The following LAMA4 variants were observed in gnomAD, a reference collection of about 807,000 sequenced individuals.
LAMA4 encodes the protein laminin subunit alpha 4.
LAMA4 carries 127 observed loss-of-function variants against 207.1 expected under a neutral mutation model. The observed-to-expected ratio is 0.61, with a 90% CI of 0.53 to 0.71. LAMA4 has a LOEUF of 0.71. LAMA4 is among the 30% of genes least tolerant of loss of function. The pLI is 0.00. For synonymous variants in LAMA4, 761 were observed against 816.0 expected, an observed-to-expected ratio of 0.93 and a Z score of 1.15; for missense variants, 2,093 against 2,246.5, an observed-to-expected ratio of 0.93 and a Z score of 1.38.
At chr6:112,114,524 T>C in intron 37 of LAMA4, 139 bp downstream of exon 37, 1 of 723,308 alleles carries the variant, frequency 1.4e-6, no homozygotes, top group East Asian at 2.7e-5. Flanking sequence ...CACATAATAG[T>C]ATAATAACAT....
At position 112,201,743 on chromosome 6, in the gene LAMA4, T is replaced by C. The variant is rs1554352557; in HGVS notation, c.423-55A>G. ...ATTCCATACATCACCAAAGAGACTG[T>C]CTTAACTTTTTATCAGATTACCTCT... On this transcript the variant is annotated intron_variant, in intron 4 of 38. Transcript: ENST00000230538. 10 of 1,432,862 alleles carry C rather than the reference T, an allele frequency of 7.0e-6. No individual in the cohort carries two copies. In the South Asian group the frequency reaches 9.2e-5, roughly 13 times the overall value. 88.8% of individuals were successfully genotyped at this position (1,432,862 alleles called of 1,614,324 possible). A position where few individuals can be genotyped will look rare whatever the true frequency, so the allele number is the denominator to read the frequency against.
At chr6:112,147,343 T>C (rs1434056079) in intron 18 of LAMA4, among the ~76,000 whole-genome samples, 4 of 152,220 alleles carry the variant, frequency 2.6e-5, no homozygotes, top group Admixed American at 6.5e-5. Flanking sequence ...TTTACTGTTA[T>C]GGGAATGGGT....
chr6:112,187,316 G>A lies in LAMA4; in HGVS notation c.966+134C>T, dbSNP rs112939618. On this transcript the variant is annotated intron_variant, in intron 8 of 38. Transcript: ENST00000230538. ...CTATGAAATTACTTATGTTTTCTAT[G>A]TTAGACCTACAGGTCTAACAACCTG... 1.3e-5 allele frequency: 13 copies of A among 1,005,718 alleles called. No homozygotes were observed. The African/African-American group carries it at 1.7e-4, about 13-fold the overall frequency. The allele number at this position is 1,005,718 out of a possible 1,614,324, so 62.3% of individuals were successfully genotyped here. A position where few individuals can be genotyped will look rare whatever the true frequency, so the allele number is the denominator to read the frequency against.
chr6:112,145,036 G>T, intron 18 of LAMA4, 103 bp from the exon 19 acceptor site: 1 of 1,130,990 alleles, frequency 8.8e-7, no homozygotes. Context: ...AGAACTAAGA[G>T]AAATGATTTT....
Position 112,114,711 on chromosome 6 carries a change from C to T in LAMA4, c.5158G>A (p.Val1720Ile), listed in dbSNP as rs782384533. 1.2e-6 allele frequency: 2 copies of T among 1,613,104 alleles called. No individual in the cohort carries two copies. Among genetic ancestry groups the T allele is most frequent in the Admixed American group, 1.7e-5 (1 of 59,952 alleles). ...NNGIRDFSTSVTPKQSLCDGR... is the reference protein window; with the variant it reads ...NNGIRDFSTSITPKQSLCDGR... The stretch of plus-strand genomic sequence containing the variant: ...TCACAGAGACTCTGCTTGGGTGTAA[C>T]TGAGGTGGAAAAATCTCTGATGCCA... The change falls in exon 37 of 39, where the codon GTT becomes ATT. Residue 1720 changes from valine (V) to isoleucine (I), a missense_variant. Val to Ile is a conservative substitution (Grantham distance 29). This residue lies in a region of LAMA4 where 383 missense variants were observed against 437.8 expected (regional missense o/e 0.87). Transcript: ENST00000230538.
intron 2 of LAMA4, among the ~76,000 whole-genome samples, chr6:112,222,500 C>T (rs1784978563): frequency 6.6e-6 from 1 of 152,154 alleles, no homozygotes. Flanking sequence ...TCAATTTAAC[C>T]ATCAATAAAA....
intron 2 of LAMA4, among the ~76,000 whole-genome samples, chr6:112,235,545 A>G (rs1332739524): frequency 6.6e-6 from 1 of 152,184 alleles, no homozygotes; most frequent in Non-Finnish European, 1.5e-5. Flanking sequence ...ATGATAGGGA[A>G]GTTTCTTAAG....
intron 13 of LAMA4, among the ~76,000 whole-genome samples, chr6:112,161,147 C>T (rs752987098): frequency 6.6e-5 from 10 of 152,184 alleles, no homozygotes; most frequent in African/African-American, 1.2e-4. Flanking sequence ...AAGCTCTACT[C>T]CTCCTTTCAA....
chr6:112,207,270 G>A, intron 3 of LAMA4, 125 bp from the exon 4 acceptor site: 1 of 1,030,402 alleles, frequency 9.7e-7, no homozygotes, highest in Non-Finnish European at 1.5e-6. Flanking sequence ...CAGACTGTAT[G>A]CGGCAGTACA....
chr6:112,192,372 A>C (rs1783171164), intron 5 of LAMA4, among the ~76,000 whole-genome samples: 1 of 152,124 alleles, frequency 6.6e-6, no homozygotes, highest in South Asian at 2.1e-4. Flanking sequence ...CTCTTGTTTG[A>C]GGGTCATGGG....
At chr6:112,166,941 T>G (rs1781416563) in intron 12 of LAMA4, among the ~76,000 whole-genome samples, 1 of 152,062 alleles carries the variant, frequency 6.6e-6, no homozygotes, top group African/African-American at 2.4e-5. Context: ...AAAACAGTCC[T>G]GGGAAGGTAA....
intron 2 of LAMA4, among the ~76,000 whole-genome samples, chr6:112,247,527 A>G (rs1348878209): frequency 6.6e-6 from 1 of 152,188 alleles, no homozygotes; most frequent in African/African-American, 2.4e-5. Context: ...ACAACAAAAC[A>G]AAACAAAACC....
chr6:112,231,633 C>T (rs1205388486), intron 2 of LAMA4, among the ~76,000 whole-genome samples: 3 of 152,120 alleles, frequency 2.0e-5, no homozygotes, highest in African/African-American at 4.8e-5. Context: ...TGACAATGGG[C>T]CCTGGAAAAG....
chr6:112,182,727 G>A (rs547560784), intron 9 of LAMA4, among the ~76,000 whole-genome samples: 2 of 152,324 alleles, frequency 1.3e-5, no homozygotes, highest in South Asian at 4.1e-4. Context: ...TCAAGATCCA[G>A]ATGGTGAGGG....
intron 11 of LAMA4, among the ~76,000 whole-genome samples, chr6:112,173,199 T>C (rs1781827623): frequency 6.6e-6 from 1 of 152,198 alleles, no homozygotes; most frequent in Non-Finnish European, 1.5e-5. Flanking sequence ...GGCAAAATGA[T>C]GTTCATACCC....
At chr6:112,212,942 G>T (rs905119520) in intron 3 of LAMA4, among the ~76,000 whole-genome samples, 8 of 152,154 alleles carry the variant, frequency 5.3e-5, no homozygotes, top group African/African-American at 1.9e-4. Flanking sequence ...GCTAGTGTCT[G>T]CAGAAACTGA....
At chr6:112,228,200 G>C (rs1424777316) in intron 2 of LAMA4, among the ~76,000 whole-genome samples, 2 of 152,202 alleles carry the variant, frequency 1.3e-5, no homozygotes, top group African/African-American at 2.4e-5. Flanking sequence ...GCCCTGTCCA[G>C]CTGGCCTGGA....
In LAMA4 at chr6:112,233,963, G is replaced by C. The variant is rs191366110; in HGVS notation, c.196-17494C>G. The stretch of plus-strand genomic sequence containing the variant: ...CGCCACCCTCTCTCCACACATTGTA[G>C]ATAATATTGGAGGCTTGCCCTAGTT... On this transcript the variant is annotated intron_variant, in intron 2 of 38. Transcript: ENST00000230538. Among the ~76,000 whole-genome samples, 162 of 152,244 alleles carry C rather than the reference G, an allele frequency of 1.1e-3. 1 individual carries two copies. Among genetic ancestry groups the C allele is most frequent in the Admixed American group, 2.9e-3 (44 of 15,288 alleles).
chr6:112,110,048 G>T (rs1777608136), intron 38 of LAMA4, among the ~76,000 whole-genome samples: 1 of 152,104 alleles, frequency 6.6e-6, no homozygotes. Flanking sequence ...ATTTTTGCCT[G>T]TTCATAAAAT....
Sources: allele counts gnomAD v4.1 joint callset (sites outside exome capture counted in the v4.1 genomes callset), GRCh38; gene constraint gnomAD v4.1.1; regional missense constraint gnomAD v4.1.1; transcripts MANE v1.5; gene names NCBI Gene and HGNC (gene_info 2026-07-23, HGNC 2026-07-21).